SSBP3: variants seen among roughly 807,000 people sequenced by gnomAD.
SSBP3 encodes the protein single stranded DNA binding protein 3.
A neutral mutation model predicts 69.6 loss-of-function variants in SSBP3; 5 were observed. The observed-to-expected ratio is 0.07, with a 90% CI of 0.04 to 0.15. The LOEUF (loss-of-function observed/expected upper bound fraction) is 0.15, where lower values mean the gene tolerates loss of function less well. Ranked by LOEUF, SSBP3 falls within the 10% of genes least tolerant of loss-of-function variation. SSBP3 has a pLI of 1.00. For synonymous variants in SSBP3, 196 were observed against 193.4 expected, an observed-to-expected ratio of 1.01 and a Z score of -0.11; for missense variants, 312 against 534.0, an observed-to-expected ratio of 0.58 and a Z score of 4.10.
chr1:54,290,409 C>T lies in SSBP3; in HGVS notation c.277-8882G>A, dbSNP rs186842190. 3.2e-3 allele frequency among the ~76,000 whole-genome samples: 495 copies of T among 152,334 alleles called. 2 individuals carry two copies. The highest frequency in any genetic ancestry group is 0.011 in the South Asian group (53 of 4,822). On this transcript the variant is annotated intron_variant, in intron 4 of 17. Transcript: ENST00000610401. The stretch of plus-strand genomic sequence containing the variant: ...ACAGCTCCAGGTAAAGGACCACGTG[C>T]TGACGTCCTAAGATTCCCTGACCAC...
chr1:54,318,938 C>T (rs944587543), intron 4 of SSBP3, among the ~76,000 whole-genome samples: 6 of 152,152 alleles, frequency 3.9e-5, no homozygotes, highest in East Asian at 1.9e-4. Context: ...ATCTATCCCC[C>T]GCAGCAACCC....
chr1:54,337,562 A>G (rs1646532579), intron 4 of SSBP3, among the ~76,000 whole-genome samples: 1 of 123,838 alleles, frequency 8.1e-6, no homozygotes, highest in Non-Finnish European at 1.5e-5. Flanking sequence ...CAGTGGCACC[A>G]TCTCCGCTCA....
intron 4 of SSBP3, among the ~76,000 whole-genome samples, chr1:54,386,010 G>A (rs1015379281): frequency 1.3e-5 from 2 of 152,200 alleles, no homozygotes; most frequent in African/African-American, 2.4e-5. Context: ...AATATTGCAT[G>A]TTGAAAGCTA....
chr1:54,254,265 C>T (rs904621769), intron 7 of SSBP3, among the ~76,000 whole-genome samples: 15 of 152,228 alleles, frequency 9.9e-5, no homozygotes, highest in Admixed American at 2.0e-4. Flanking sequence ...GCCCAGGAAA[C>T]GGACAAATCC....
chr1:54,383,634 A>T (rs1278121613), intron 4 of SSBP3, among the ~76,000 whole-genome samples: 1 of 152,128 alleles, frequency 6.6e-6, no homozygotes, highest in Non-Finnish European at 1.5e-5. Context: ...ACCAACCCTG[A>T]ATTACAGGGT....
intron 4 of SSBP3, among the ~76,000 whole-genome samples, chr1:54,332,370 G>A (rs1646432228): frequency 6.6e-6 from 1 of 152,224 alleles, no homozygotes; most frequent in South Asian, 2.1e-4. Context: ...GCTGCTGGGA[G>A]GGGTGGGAGT....
In SSBP3 at chr1:54,252,427, C is replaced by T. The variant is rs181039130; in HGVS notation, c.508-567G>A. Among the ~76,000 whole-genome samples the T allele has an allele frequency of 4.9e-3, 749 of 152,322 alleles. 5 individuals are homozygous for T. The highest frequency in any genetic ancestry group is 0.017 in the African/African-American group (716 of 41,572). On this transcript the variant is annotated intron_variant, in intron 7 of 17. Coordinates refer to ENST00000610401, the Ensembl canonical transcript of SSBP3. ...TGGGGAAACTGAGGTCACAGGCCTG[C>T]GGGCTCCCAGTCACAGGTTGCAGAG...
At chr1:54,394,565 G>T (rs1045495523) in intron 4 of SSBP3, among the ~76,000 whole-genome samples, 10 of 152,038 alleles carry the variant, frequency 6.6e-5, no homozygotes, top group African/African-American at 2.4e-4. Flanking sequence ...TCTGGGGGCC[G>T]ACTGATCAAG....
intron 4 of SSBP3, among the ~76,000 whole-genome samples, chr1:54,313,355 C>T (rs1392035697): frequency 6.6e-6 from 1 of 151,452 alleles, no homozygotes; most frequent in Non-Finnish European, 1.5e-5. Flanking sequence ...TCTAGGGCTC[C>T]TGCTTTCTCT....
At chr1:54,389,557 C>A (rs924780075) in intron 4 of SSBP3, among the ~76,000 whole-genome samples, 2 of 151,984 alleles carry the variant, frequency 1.3e-5, no homozygotes, top group African/African-American at 4.8e-5. Context: ...ATTAATGAGA[C>A]AGAAAAGATG....
At chr1:54,294,458 C>A (rs1557505302) in intron 4 of SSBP3, among the ~76,000 whole-genome samples, 2 of 152,194 alleles carry the variant, frequency 1.3e-5, no homozygotes, top group Non-Finnish European at 2.9e-5. Context: ...CTTGTATCAC[C>A]CCCTCCCAAG....
rs138072097 is a variant in SSBP3 at position 54,307,083 on chromosome 1, C to T, written c.277-25556G>A. 5.6e-3 allele frequency among the ~76,000 whole-genome samples: 859 copies of T among 152,288 alleles called. 3 individuals are homozygous for T. The highest frequency in any genetic ancestry group is 8.6e-3 in the Non-Finnish European group (582 of 68,016). ...TCAACACATCACCAAGGCCCTACTA[C>T]CTGGGCACCCTAAAATCCCATTACT... On this transcript the variant is annotated intron_variant, in intron 4 of 17. Coordinates refer to ENST00000610401, the Ensembl canonical transcript of SSBP3.
intron 17 of SSBP3, among the ~76,000 whole-genome samples, chr1:54,227,482 C>G (rs1644307848): frequency 6.6e-6 from 1 of 152,210 alleles, no homozygotes; most frequent in Non-Finnish European, 1.5e-5. Context: ...CAGCCCCTGC[C>G]CCTTGCCCAG....
At position 54,258,492 on chromosome 1, in the gene SSBP3, A is replaced by T. The variant is rs72910038; in HGVS notation, c.367-343T>A. Reference sequence around the variant, plus strand: ...TAAATACGTTGGTTGAGACGGGCTCAGAGGGAGTACAATGATGCACAGACA... The same window carrying T: ...TAAATACGTTGGTTGAGACGGGCTCTGAGGGAGTACAATGATGCACAGACA... On this transcript the variant is annotated intron_variant, in intron 5 of 17. Coordinates refer to ENST00000610401, the Ensembl canonical transcript of SSBP3. The surrounding 1 kb of genome is among the most constrained non-coding windows in gnomAD (Gnocchi z 4.5). Among the ~76,000 whole-genome samples, 895 of 152,336 alleles carry T rather than the reference A, an allele frequency of 5.9e-3. 8 individuals carry two copies. Among genetic ancestry groups the T allele is most frequent in the African/African-American group, 0.02 (851 of 41,580 alleles).
chr1:54,411,089 A>T (rs540644422), upstream of SSBP3, among the ~76,000 whole-genome samples: 6 of 152,246 alleles, frequency 3.9e-5, no homozygotes, highest in Non-Finnish European at 8.8e-5. Context: ...CAAGTATGGA[A>T]TGGGTTAGTA....
upstream of SSBP3, among the ~76,000 whole-genome samples, chr1:54,408,843 G>A (rs1160972724): frequency 6.6e-6 from 1 of 152,310 alleles, no homozygotes; most frequent in East Asian, 1.9e-4. Context: ...GCACTCTGTG[G>A]TCAGCCCTTT....
chr1:54,302,048 T>TG (rs1645811728), intron 4 of SSBP3, among the ~76,000 whole-genome samples: 1 of 142,988 alleles, frequency 7.0e-6, no homozygotes, highest in African/African-American at 2.5e-5. Flanking sequence ...GGCGGCTGGG[T>TG]GGGGGTGGGG....
chr1:54,249,992 G>A lies in SSBP3; in HGVS notation c.651+1624C>T, dbSNP rs1222349425. On this transcript the variant is annotated intron_variant, in intron 9 of 17. Coordinates refer to ENST00000610401, the Ensembl canonical transcript of SSBP3. ...CATCTGACAATCCAAGGCCACTGCT[G>A]ATTTCTACACCAATAAAATGTGACT... Among the ~76,000 whole-genome samples the A allele has an allele frequency of 2.0e-5, 3 of 152,188 alleles. No individual in the cohort carries two copies. The South Asian group carries it at 6.2e-4, about 31-fold the overall frequency.
At chr1:54,406,071 G>T in exon 1 of SSBP3, 1 of 1,330,352 alleles carries the variant, frequency 7.5e-7, no homozygotes, top group Non-Finnish European at 1.0e-6. Flanking sequence ...TACCGCTCCG[G>T]CTCTCCCGAG....
Sources: allele counts gnomAD v4.1 joint callset (sites outside exome capture counted in the v4.1 genomes callset), GRCh38; gene constraint gnomAD v4.1.1; non-coding constraint Gnocchi (gnomAD v3.1); transcripts MANE v1.5; gene names NCBI Gene and HGNC (gene_info 2026-07-23, HGNC 2026-07-21).